SH3BP1: variants seen among roughly 807,000 people sequenced by gnomAD.
The protein encoded by SH3BP1 is SH3 domain binding protein 1.
In SH3BP1, 46 loss-of-function variants were observed where a neutral mutation model predicts 69.8. The ratio of observed to expected loss-of-function variants is 0.66; its 90% CI spans 0.52 to 0.84. SH3BP1 has a LOEUF of 0.84. Among genes scored for constraint, SH3BP1 ranks in the 40% least tolerant of loss-of-function variants. SH3BP1 has a pLI of 0.00. For missense variants in SH3BP1, 868 were observed against 930.9 expected, an observed-to-expected ratio of 0.93 and a Z score of 0.88; for synonymous variants, 403 against 378.0, an observed-to-expected ratio of 1.07 and a Z score of -0.77.
At position 37,641,448 on chromosome 22, in the gene SH3BP1, C is replaced by T; in HGVS notation, c.177C>T (p.Gly59=). ...AGCGGCTGCAGGCCTGTCTGCAGGG[C>T]CAGAGCGGGGCAGACATGGACAAGC... The part of the protein sequence containing the change: ...IHKRLQACLQ[G]QSGADMDKRV... The change falls in exon 3 of 18, where the codon GGC becomes GGT. Residue 59 remains glycine (G), a synonymous_variant. Coordinates refer to ENST00000649765, the MANE Select transcript of SH3BP1 (RefSeq NM_018957.6). The T allele has an allele frequency of 6.4e-7, 1 of 1,551,132 alleles. No homozygotes were observed. Among genetic ancestry groups the T allele is most frequent in the Non-Finnish European group, 8.7e-7 (1 of 1,147,116 alleles).
chr22:37,646,343 T>C (rs1399077197), intron 10 of SH3BP1, among the ~76,000 whole-genome samples: 2 of 151,464 alleles, frequency 1.3e-5, no homozygotes, highest in African/African-American at 4.9e-5. Flanking sequence ...ACTGCAACCT[T>C]CACCTCCCTG....
At chr22:37,642,824 G>A (rs1000079638) in intron 4 of SH3BP1, 71 bp from the exon 5 acceptor site, 2 of 1,590,724 alleles carry the variant, frequency 1.3e-6, no homozygotes, top group African/African-American at 2.7e-5. Flanking sequence ...AGGGAGGAGA[G>A]GCCCCACCAA....
Position 37,650,689 on chromosome 22 carries a change from C to T in SH3BP1, c.1562C>T (p.Pro521Leu), listed in dbSNP as rs370571483. The part of the protein sequence containing the change: ...PAPAPAPAPA[P>L]APALASAATK... ...CCGGCTCCGGCTCCAGCTCCAGCTCCGGCCCCAGCCTTGGCTTCAGCAGCT... is the reference window on the plus strand; with the variant it reads ...CCGGCTCCGGCTCCAGCTCCAGCTCTGGCCCCAGCCTTGGCTTCAGCAGCT... The change falls in exon 16 of 18, where the codon CCG becomes CTG. Residue 521 changes from proline to leucine, a missense_variant. Around this residue, in one of 3 missense-constraint regions of SH3BP1, gnomAD observed 474 missense variants for 462.3 expected, o/e 1.03. Coordinates refer to ENST00000649765, the MANE Select transcript of SH3BP1 (RefSeq NM_018957.6). 1.4e-5 allele frequency: 23 copies of T among 1,613,246 alleles called. No individual in the cohort carries two copies. The highest frequency in any genetic ancestry group is 1.7e-5 in the Non-Finnish European group (20 of 1,179,614).
At chr22:37,644,024 A>G (rs946566147) in intron 7 of SH3BP1, among the ~76,000 whole-genome samples, 2 of 152,220 alleles carry the variant, frequency 1.3e-5, no homozygotes, top group African/African-American at 4.8e-5. Flanking sequence ...TTGTTTGCTG[A>G]GCGAGCGAGT....
At chr22:37,639,931 G>T in intron 1 of SH3BP1, 85 bp downstream of exon 1, 8 of 846,040 alleles carry the variant, frequency 9.5e-6, no homozygotes, top group African/African-American at 1.8e-5. Flanking sequence ...GGGGGTGGGG[G>T]AGGCTGGGGA....
In SH3BP1 at chr22:37,641,115, A is replaced by T; in HGVS notation, c.60-11A>T. 1.2e-6 allele frequency: 1 copy of T among 868,204 alleles called. No individual in the cohort carries two copies. The highest frequency in any genetic ancestry group is 1.7e-6 in the Non-Finnish European group (1 of 595,180). 53.8% of individuals were successfully genotyped at this position (868,204 alleles called of 1,614,324 possible). A position where few individuals can be genotyped will look rare whatever the true frequency, so the allele number is the denominator to read the frequency against. On this transcript the variant is annotated splice_polypyrimidine_tract_variant and intron_variant, in intron 1 of 17. Transcript: ENST00000649765. ...AAGCACTCTCCCCCCCCCCCCCACCACTCCCCGCAGCACCCCGGAGACCGC... is the reference window on the plus strand; with the variant it reads ...AAGCACTCTCCCCCCCCCCCCCACCTCTCCCCGCAGCACCCCGGAGACCGC...
chr22:37,643,425 T>C (rs1601582041), intron 6 of SH3BP1: 1 of 683,124 alleles, frequency 1.5e-6, no homozygotes, highest in Non-Finnish European at 2.5e-6. Flanking sequence ...GCGGCAGCCC[T>C]GTTCTCCCCT....
chr22:37,646,255 GC>G (rs1932784106), intron 10 of SH3BP1, among the ~76,000 whole-genome samples: 2 of 132,282 alleles, frequency 1.5e-5, no homozygotes, highest in Middle Eastern at 6.5e-3. Flanking sequence ...GAGCCACTGC[GC>G]CCGACCCTTT....
Position 37,643,697 on chromosome 22 carries a change from C to T in SH3BP1, c.527C>T (p.Pro176Leu), listed in dbSNP as rs915111725. The change falls in exon 7 of 18, where the codon CCG (proline) becomes CTG (leucine). Residue 176 changes from proline (P) to leucine (L), a missense_variant. This residue lies in a region of SH3BP1 where 387 missense variants were observed against 447.9 expected (regional missense o/e 0.86). Transcript: ENST00000649765. ...SGSSQGLGGS[P>L]GSHSHTTMAN... ...AGCAGTCAAGGCCTAGGAGGCAGCC[C>T]GGGTAGTCACAGCCATACGACCATG... The T allele has an allele frequency of 2.2e-5, 35 of 1,613,934 alleles. No homozygotes were observed. The highest frequency in any genetic ancestry group is 1.6e-4 in the African/African-American group (12 of 74,896).
chr22:37,641,656 C>T (rs927172089), intron 3 of SH3BP1, among the ~76,000 whole-genome samples, 178 bp downstream of exon 3: 1 of 152,220 alleles, frequency 6.6e-6, no homozygotes, highest in Non-Finnish European at 1.5e-5. Flanking sequence ...CCTTCCCCAT[C>T]ACCTTTACCC....
At position 37,655,738 on chromosome 22, in the gene SH3BP1, C is replaced by G; in HGVS notation, c.*54C>G. 6.9e-7 allele frequency: 1 copy of G among 1,443,822 alleles called. No homozygotes were observed. The highest frequency in any genetic ancestry group is 1.5e-5 in the South Asian group (1 of 67,692). The allele number at this position is 1,443,822 out of a possible 1,614,324, so 89.4% of individuals were successfully genotyped here. On this transcript the variant is annotated 3_prime_UTR_variant, in exon 18 of 18. Coordinates refer to ENST00000649765, the MANE Select transcript of SH3BP1 (RefSeq NM_018957.6). ...AGCACCCCCTCCCTCCCCACCTGGC[C>G]CTCCCAGGACAGCTCTCGCCCCCCA...
chr22:37,641,247 AG>A, intron 2 of SH3BP1, 79 bp downstream of exon 2: 1 of 1,520,146 alleles, frequency 6.6e-7, no homozygotes, highest in Admixed American at 2.0e-5. Context: ...CGGGGACGCC[AG>A]GTAGGGGCCT....
Position 37,639,686 on chromosome 22 carries a change from A to G in SH3BP1, c.-102A>G. The G allele has an allele frequency of 1.4e-6, 1 of 693,506 alleles. No homozygotes were observed. The highest frequency in any genetic ancestry group is 2.4e-5 in the South Asian group (1 of 42,252). 43.0% of individuals were successfully genotyped at this position (693,506 alleles called of 1,614,324 possible). Reference sequence around the variant, plus strand: ...CAGGAAGCGAGAGCGCCGCCCACCCATCCGGGGCAAGAGCCGCGCCGCAGG... The same window carrying G: ...CAGGAAGCGAGAGCGCCGCCCACCCGTCCGGGGCAAGAGCCGCGCCGCAGG... On this transcript the variant is annotated 5_prime_UTR_variant, in exon 1 of 18. Coordinates refer to ENST00000649765, the MANE Select transcript of SH3BP1 (RefSeq NM_018957.6).
chr22:37,649,911 C>A, intron 14 of SH3BP1: 2 of 619,732 alleles, frequency 3.2e-6, no homozygotes, highest in Non-Finnish European at 6.0e-6. Context: ...TTGGTAGAGG[C>A]TGTCCAGATC....
chr22:37,650,208 T>C lies in SH3BP1; in HGVS notation c.1373T>C (p.Val458Ala), dbSNP rs1461869892. 1 of 1,613,724 alleles carries C rather than the reference T, an allele frequency of 6.2e-7. No homozygotes were observed. The highest frequency in any genetic ancestry group is 1.3e-5 in the African/African-American group (1 of 75,016). Residue 458 changes from valine (V) to alanine (A), a missense_variant, in exon 15 of 18, where the codon GTC becomes GCC. By Grantham distance (64) the Val-to-Ala change is moderately conservative. Transcript: ENST00000649765. ...SVSSIQVVGV[V>A]EALIQSADTL... is the part of the protein sequence containing the mutation. ...TCTTCCATCCAGGTGGTGGGCGTCG[T>C]CGAGGCGCTGATCCAGAGCGCAGAC...
intron 1 of SH3BP1, 36 bp downstream of exon 1, chr22:37,639,882 C>T (rs781234949): frequency 1.1e-5 from 16 of 1,445,240 alleles, no homozygotes; most frequent in Admixed American, 1.0e-4. Flanking sequence ...ACTCTTACCC[C>T]GGCAGGACTT....
At position 37,645,057 on chromosome 22, in the gene SH3BP1, T is replaced by C. The variant is rs546706772; in HGVS notation, c.778+97T>C. ...TTCATCCTGAAAGGTAGCAGGAAGCTGTGGATGGGTTCTGAGAGCTAGGCT... is the reference window on the plus strand; with the variant it reads ...TTCATCCTGAAAGGTAGCAGGAAGCCGTGGATGGGTTCTGAGAGCTAGGCT... On this transcript the variant is annotated intron_variant, in intron 9 of 17. Transcript: ENST00000649765. 6.0e-4 allele frequency: 685 copies of C among 1,141,104 alleles called. 2 individuals carry two copies. The highest frequency in any genetic ancestry group is 4.6e-4 in the Non-Finnish European group (363 of 784,312). The allele number at this position is 1,141,104 out of a possible 1,614,324, so 70.7% of individuals were successfully genotyped here.
At position 37,650,809 on chromosome 22, in the gene SH3BP1, G is replaced by T. The variant is rs1458338018; in HGVS notation, c.1598+84G>T. 3 of 1,470,928 alleles carry T rather than the reference G, an allele frequency of 2.0e-6. No individual in the cohort carries two copies. The Admixed American group carries it at 7.0e-5, about 35-fold the overall frequency. The allele number at this position is 1,470,928 out of a possible 1,614,324, so 91.1% of individuals were successfully genotyped here. On this transcript the variant is annotated intron_variant, in intron 16 of 17. Transcript: ENST00000649765. ...GCGCCATGTCTCAGAGCTGGAAGCT[G>T]AATTTTTGGAAATGTAATTATTAGT...
chr22:37,650,792 T>C, intron 16 of SH3BP1, 67 bp downstream of exon 16: 1 of 1,498,286 alleles, frequency 6.7e-7, no homozygotes, highest in East Asian at 2.3e-5. Context: ...AGGCGCCATG[T>C]CTCAGAGCTG....
Sources: allele counts gnomAD v4.1 joint callset (sites outside exome capture counted in the v4.1 genomes callset), GRCh38; gene constraint gnomAD v4.1.1; regional missense constraint gnomAD v4.1.1; transcripts MANE v1.5; gene names NCBI Gene and HGNC (gene_info 2026-07-23, HGNC 2026-07-21).